The following COP1 variants were observed in gnomAD, a reference collection of about 807,000 sequenced individuals.
COP1 encodes the protein E3 ubiquitin-protein ligase COP1.
Under a neutral mutation model 101.3 loss-of-function variants are expected in COP1, and 24 were observed. The ratio of observed to expected loss-of-function variants is 0.24; its 90% CI spans 0.17 to 0.33. The LOEUF is 0.33. Among genes scored for constraint, COP1 ranks in the 10% least tolerant of loss-of-function variants. COP1 has a pLI of 1.00. For missense variants in COP1, 663 were observed against 906.2 expected (o/e 0.73, Z 3.45); for synonymous variants, 347 against 341.9 (o/e 1.01, Z -0.17).
chr1:176,189,348 C>T (rs1698843470), intron 1 of COP1, among the ~76,000 whole-genome samples: 1 of 151,886 alleles, frequency 6.6e-6, no homozygotes, highest in Non-Finnish European at 1.5e-5. Flanking sequence ...ATTTTTCTGG[C>T]TTGCTTTCAT....
At chr1:176,202,429 T>C (rs1045540448) in intron 1 of COP1, among the ~76,000 whole-genome samples, 12 of 152,006 alleles carry the variant, frequency 7.9e-5, no homozygotes, top group Admixed American at 7.2e-4. Context: ...GTTCAAGTAA[T>C]CCTCCTGCCC....
chr1:176,140,113 A>C (rs1690439891), intron 6 of COP1, among the ~76,000 whole-genome samples: 1 of 152,162 alleles, frequency 6.6e-6, no homozygotes, highest in Non-Finnish European at 1.5e-5. Flanking sequence ...GAAATCTCAA[A>C]ATATTAAACT....
chr1:176,087,316 C>G (rs1358884391), intron 9 of COP1, among the ~76,000 whole-genome samples: 1 of 152,166 alleles, frequency 6.6e-6, no homozygotes, highest in Non-Finnish European at 1.5e-5. Flanking sequence ...TCAGAGTGAA[C>G]AGGCAACCTA....
intron 8 of COP1, among the ~76,000 whole-genome samples, chr1:176,125,106 T>C (rs1687799375): frequency 7.2e-5 from 1 of 13,796 alleles, no homozygotes; most frequent in East Asian, 0.025. Flanking sequence ...ATTATTCGAT[T>C]TTTTTTTTCC....
intron 11 of COP1, among the ~76,000 whole-genome samples, chr1:176,059,978 A>C (rs1674554769): frequency 6.6e-6 from 1 of 152,180 alleles, no homozygotes; most frequent in Non-Finnish European, 1.5e-5. Context: ...GCTGACCTTA[A>C]ACTGTTTTTT....
At chr1:176,199,116 G>A (rs985101942) in intron 1 of COP1, among the ~76,000 whole-genome samples, 6 of 152,138 alleles carry the variant, frequency 3.9e-5, no homozygotes, top group Non-Finnish European at 7.4e-5. Flanking sequence ...CAGGGATCGA[G>A]ACCAACCCGG....
chr1:176,010,364 G>A (rs1284340160), intron 15 of COP1, among the ~76,000 whole-genome samples: 1 of 151,980 alleles, frequency 6.6e-6, no homozygotes, highest in East Asian at 1.9e-4. Flanking sequence ...TCTCCCAACT[G>A]TTTAAAAAAG....
At chr1:176,058,605 G>C (rs952233298) in intron 11 of COP1, among the ~76,000 whole-genome samples, 14 of 152,240 alleles carry the variant, frequency 9.2e-5, no homozygotes, top group African/African-American at 3.1e-4. Flanking sequence ...CAAGTACCCA[G>C]GGACAAAAAC....
rs917458057 is a variant in COP1 at position 176,097,529 on chromosome 1, T to C, written c.1027-11639A>G. Among the ~76,000 whole-genome samples, 16 of 152,082 alleles carry C rather than the reference T, an allele frequency of 1.1e-4. 2 individuals carry two copies. Among genetic ancestry groups the C allele is most frequent in the Admixed American group, 8.5e-4 (13 of 15,276 alleles). On this transcript the variant is annotated intron_variant, in intron 9 of 19. Transcript: ENST00000367669. ...GTCTATCTGTGTACATATATATGTG[T>C]TGTGTGTGTGATGTCTATAAAAAAG...
intron 14 of COP1, among the ~76,000 whole-genome samples, chr1:176,029,073 G>A (rs1668227103): frequency 6.6e-6 from 1 of 151,926 alleles, no homozygotes; most frequent in African/African-American, 2.4e-5. Flanking sequence ...TTAAATGTGT[G>A]TGCATATGAC....
intron 18 of COP1, among the ~76,000 whole-genome samples, chr1:175,980,498 A>G (rs947947994): frequency 6.6e-6 from 1 of 152,178 alleles, no homozygotes; most frequent in African/African-American, 2.4e-5. Context: ...AACTGCATAG[A>G]AAGTATTACA....
At chr1:175,958,833 C>G (rs1436884784) in intron 18 of COP1, among the ~76,000 whole-genome samples, 2 of 151,920 alleles carry the variant, frequency 1.3e-5, no homozygotes, top group African/African-American at 4.8e-5. Context: ...AATCGACAGT[C>G]AAAAATATTT....
At chr1:176,118,369 T>G (rs1304240176) in intron 8 of COP1, among the ~76,000 whole-genome samples, 1 of 152,140 alleles carries the variant, frequency 6.6e-6, no homozygotes. Context: ...AAGGCATAGT[T>G]AATGGGTACA....
At chr1:176,165,432 A>G (rs1694982831) in intron 3 of COP1, among the ~76,000 whole-genome samples, 1 of 150,642 alleles carries the variant, frequency 6.6e-6, no homozygotes, top group Non-Finnish European at 1.5e-5. Context: ...TTTAAAATCA[A>G]TATAGTCATC....
At chr1:176,170,083 G>C (rs1695808290) in intron 3 of COP1, among the ~76,000 whole-genome samples, 2 of 152,178 alleles carry the variant, frequency 1.3e-5, no homozygotes, top group South Asian at 4.1e-4. Flanking sequence ...GGAAAATTCA[G>C]TCACATCTTC....
intron 11 of COP1, among the ~76,000 whole-genome samples, chr1:176,078,926 C>CA (rs1210050414): frequency 6.6e-6 from 1 of 152,006 alleles, no homozygotes; most frequent in Admixed American, 6.6e-5. Flanking sequence ...AAATAAAAAT[C>CA]AAAACCAGGA....
At position 175,947,202 on chromosome 1, in the gene COP1, G is replaced by A. The variant is rs1649285443; in HGVS notation, c.2171C>T (p.Thr724Ile). The A allele has an allele frequency of 1.2e-6, 2 of 1,607,066 alleles. No individual in the cohort carries two copies. The highest frequency in any genetic ancestry group is 2.2e-5 in the South Asian group (2 of 90,892). ...NVLIAANSQG[T>I]IKVLELV ...ATATAGTAAATAGCTTACCTTAATTGTACCCTGACTGTTAGCAGCAATCAG... is the reference window on the plus strand; with the variant it reads ...ATATAGTAAATAGCTTACCTTAATTATACCCTGACTGTTAGCAGCAATCAG... The change falls in exon 19 of 20, where the codon ACA becomes ATA. Residue 724 changes from threonine to isoleucine, a missense_variant. Transcript: ENST00000367669.
At chr1:176,027,189 T>C (rs892295379) in intron 15 of COP1, among the ~76,000 whole-genome samples, 1 of 152,184 alleles carries the variant, frequency 6.6e-6, no homozygotes, top group African/African-American at 2.4e-5. Flanking sequence ...CAATAAATAA[T>C]TGTTGAAAGA....
chr1:176,165,417 AACG>A lies in COP1; in HGVS notation c.566-1529_566-1527del, dbSNP rs367570564. On this transcript the variant is annotated intron_variant, in intron 3 of 19. Transcript: ENST00000367669. ...GTGTGTGTGTGTGTGTAGGAGATAC[AACG>A]ATTTAAAATCAATATAGTCATCCCA... 2.7e-3 allele frequency among the ~76,000 whole-genome samples: 391 copies of A among 144,136 alleles called. 3 individuals carry two copies. The highest frequency in any genetic ancestry group is 9.3e-3 in the African/African-American group (373 of 40,242). 94.6% of individuals were successfully genotyped at this position (144,136 alleles called of 152,430 possible).
Sources: gnomAD v4.1 joint callset for allele counts (sites outside exome capture counted in the v4.1 genomes callset) on GRCh38, gnomAD v4.1.1 for gene constraint, MANE v1.5 for transcripts, NCBI Gene and HGNC (gene_info 2026-07-23, HGNC 2026-07-21) for gene names.